ADAMTS2: variants seen among roughly 807,000 people sequenced by gnomAD.
ADAMTS2 encodes A disintegrin and metalloproteinase with thrombospondin motifs 2.
In ADAMTS2, 50 loss-of-function variants were observed where a neutral mutation model predicts 123.0. The ratio of observed to expected loss-of-function variants is 0.41; its 90% CI spans 0.32 to 0.51. The LOEUF (loss-of-function observed/expected upper bound fraction) is 0.51, where lower values mean the gene tolerates loss of function less well. ADAMTS2 is among the 20% of genes least tolerant of loss of function. The pLI is 0.35. For missense variants in ADAMTS2, 1,494 were observed against 1,705.2 expected (o/e 0.88, Z 2.18); for synonymous variants, 678 against 695.4 (o/e 0.98, Z 0.39).
chr5:179,137,851 G>T lies in ADAMTS2; in HGVS notation c.1869C>A (p.Arg623=), dbSNP rs376058580. 1.9e-5 allele frequency: 30 copies of T among 1,566,306 alleles called. No homozygotes were observed. Among genetic ancestry groups the T allele is most frequent in the African/African-American group, 1.1e-4 (8 of 73,776 alleles). ...GGTCCCACTGGCGGCACTGCTCCTC[G>T]CGGAAGTCAGCCAGGGAGTCGGGGC... ...QDCPDSLADF[R]EEQCRQWDLY... Residue 623 remains arginine, a synonymous_variant, in exon 12 of 22, where the codon CGC becomes CGA. Transcript: ENST00000251582.
chr5:179,330,596 C>T (rs1037700769), intron 2 of ADAMTS2, among the ~76,000 whole-genome samples: 1 of 152,140 alleles, frequency 6.6e-6, no homozygotes, highest in Non-Finnish European at 1.5e-5. Flanking sequence ...TTCCCCTCCC[C>T]CAGTGCCCGT....
intron 4 of ADAMTS2, among the ~76,000 whole-genome samples, chr5:179,203,777 C>T (rs959419074): frequency 6.6e-6 from 1 of 152,222 alleles, no homozygotes; most frequent in Non-Finnish European, 1.5e-5. Context: ...CAAAATGGCA[C>T]AGCCACTGTG....
Position 179,317,700 on chromosome 5 carries a change from A to T in ADAMTS2, c.534+26067T>A, listed in dbSNP as rs1358454836. On this transcript the variant is annotated intron_variant, in intron 2 of 21. Transcript: ENST00000251582. This position sits in a 1 kb window ranked among gnomAD's most constrained non-coding sequence, Gnocchi z 4.9. The stretch of plus-strand genomic sequence containing the variant: ...AAACGCCCCCACATGTGCATCGCAT[A>T]CATCACCCACACACACACGTGTACA... Among the ~76,000 whole-genome samples the T allele has an allele frequency of 6.6e-6, 1 of 152,194 alleles. No homozygotes were observed. Among genetic ancestry groups the T allele is most frequent in the East Asian group, 1.9e-4 (1 of 5,188 alleles).
chr5:179,316,981 T>A (rs1053090822), intron 2 of ADAMTS2, among the ~76,000 whole-genome samples: 1 of 151,104 alleles, frequency 6.6e-6, no homozygotes, highest in African/African-American at 2.4e-5. Context: ...GAATACACAG[T>A]GGTGAGAAAG....
At chr5:179,213,289 G>C (rs10065907) in intron 3 of ADAMTS2, among the ~76,000 whole-genome samples, 1 of 152,138 alleles carries the variant, frequency 6.6e-6, no homozygotes, top group Admixed American at 6.5e-5. Flanking sequence ...GATTTCTCCC[G>C]ACAGCACCCC....
chr5:179,129,861 C>T lies in ADAMTS2; in HGVS notation c.2457+71G>A. The T allele has an allele frequency of 6.3e-7, 1 of 1,596,198 alleles. No homozygotes were observed. The highest frequency in any genetic ancestry group is 8.5e-7 in the Non-Finnish European group (1 of 1,170,254). On this transcript the variant is annotated intron_variant, in intron 16 of 21. Coordinates refer to ENST00000251582, the MANE Select transcript of ADAMTS2 (RefSeq NM_014244.5). This position sits in a 1 kb window ranked among gnomAD's most constrained non-coding sequence, Gnocchi z 4.1. ...CCTGAAGGGTCAGGAGGCTCAGCGT[C>T]CCAGGCACCCCCATCCCTCCCCCAG...
intron 2 of ADAMTS2, among the ~76,000 whole-genome samples, chr5:179,328,024 A>G (rs561425801): frequency 6.6e-6 from 1 of 152,144 alleles, no homozygotes; most frequent in South Asian, 2.1e-4. Flanking sequence ...CGAGAGATTT[A>G]GGTTTGTTTT....
At chr5:179,282,874 G>C (rs1375494963) in intron 2 of ADAMTS2, among the ~76,000 whole-genome samples, 1 of 152,096 alleles carries the variant, frequency 6.6e-6, no homozygotes, top group Admixed American at 6.5e-5. Context: ...AGGAGATTGA[G>C]ACCATCCTGG....
chr5:179,343,084 C>T (rs924704292), intron 2 of ADAMTS2, among the ~76,000 whole-genome samples: 2 of 152,186 alleles, frequency 1.3e-5, no homozygotes, highest in Non-Finnish European at 2.9e-5. Flanking sequence ...TTCAAAGAAC[C>T]AGCTGGAGTT....
At position 179,225,929 on chromosome 5, in the gene ADAMTS2, C is replaced by T. The variant is rs1015722825; in HGVS notation, c.689-18214G>A. Among the ~76,000 whole-genome samples, 1 of 152,200 alleles carries T rather than the reference C, an allele frequency of 6.6e-6. No homozygotes were observed. The highest frequency in any genetic ancestry group is 1.9e-4 in the East Asian group (1 of 5,190). The stretch of plus-strand genomic sequence containing the variant: ...TGAGCTGGTTAACACAAGCCGCCTA[C>T]AGACAGCTAAAGTAAAAGAGCACAT... On this transcript the variant is annotated intron_variant, in intron 3 of 21. Transcript: ENST00000251582. This position sits in a 1 kb window ranked among gnomAD's most constrained non-coding sequence, Gnocchi z 4.5.
chr5:179,150,082 G>A (rs1434720086), intron 10 of ADAMTS2, among the ~76,000 whole-genome samples: 1 of 152,150 alleles, frequency 6.6e-6, no homozygotes, highest in Non-Finnish European at 1.5e-5. Flanking sequence ...ATCAGCTGGG[G>A]TGCAGGCCAG....
At chr5:179,224,121 A>T (rs17079224) in intron 3 of ADAMTS2, among the ~76,000 whole-genome samples, 28,651 of 152,134 alleles carry the variant, frequency 0.19, 2,838 homozygotes, top group Middle Eastern at 0.23. Context: ...TGGAGTCTAC[A>T]TCGGTTTCCT....
intron 10 of ADAMTS2, among the ~76,000 whole-genome samples, chr5:179,143,460 A>G (rs1763206687): frequency 6.6e-6 from 1 of 152,054 alleles, no homozygotes; most frequent in Non-Finnish European, 1.5e-5. Flanking sequence ...AGAACTAAAT[A>G]GAAATTCTGG....
Position 179,312,181 on chromosome 5 carries a change from A to C in ADAMTS2, c.534+31586T>G, listed in dbSNP as rs1387945607. Reference sequence around the variant, plus strand: ...CATAAATGTTACCTTCCATGGCAAAAAAGAACTTTGTAGATGCGGTGAGTC... The same window carrying C: ...CATAAATGTTACCTTCCATGGCAAACAAGAACTTTGTAGATGCGGTGAGTC... On this transcript the variant is annotated intron_variant, in intron 2 of 21. Coordinates refer to ENST00000251582, the MANE Select transcript of ADAMTS2 (RefSeq NM_014244.5). The surrounding 1 kb of genome is among the most constrained non-coding windows in gnomAD (Gnocchi z 4.2). Among the ~76,000 whole-genome samples the C allele has an allele frequency of 6.6e-6, 1 of 152,162 alleles. No individual in the cohort carries two copies. The highest frequency in any genetic ancestry group is 2.4e-5 in the African/African-American group (1 of 41,442).
rs1766068019 is a variant in ADAMTS2, at chr5:179,256,834, G to C, written c.688+16077C>G. On this transcript the variant is annotated intron_variant, in intron 3 of 21. Transcript: ENST00000251582. This position sits in a 1 kb window ranked among gnomAD's most constrained non-coding sequence, Gnocchi z 4.1. ...GTGTACACTCAACATTTCTGAAGCCGTTGTACGAGTCAAATAAAACATTGC... is the reference window on the plus strand; with the variant it reads ...GTGTACACTCAACATTTCTGAAGCCCTTGTACGAGTCAAATAAAACATTGC... 6.6e-6 allele frequency among the ~76,000 whole-genome samples: 1 copy of C among 152,260 alleles called. No individual in the cohort carries two copies. Among genetic ancestry groups the C allele is most frequent in the African/African-American group, 2.4e-5 (1 of 41,468 alleles).
intron 6 of ADAMTS2, among the ~76,000 whole-genome samples, chr5:179,156,593 C>G (rs376728475): frequency 6.6e-6 from 1 of 152,150 alleles, no homozygotes; most frequent in African/African-American, 2.4e-5. Context: ...CTCCTGACCT[C>G]GTGACCTGCC....
At chr5:179,230,693 G>T (rs1409619076) in intron 3 of ADAMTS2, among the ~76,000 whole-genome samples, 1 of 152,180 alleles carries the variant, frequency 6.6e-6, no homozygotes, top group Non-Finnish European at 1.5e-5. Flanking sequence ...TGTACTGTCA[G>T]GCACTCTTTC....
At chr5:179,138,734 C>T (rs946983872) in intron 11 of ADAMTS2, among the ~76,000 whole-genome samples, 2 of 152,198 alleles carry the variant, frequency 1.3e-5, no homozygotes, top group Non-Finnish European at 2.9e-5. Context: ...TTCACACGTG[C>T]TGCTGAGGGA....
At chr5:179,199,519 G>A (rs922023879) in intron 4 of ADAMTS2, among the ~76,000 whole-genome samples, 4 of 152,204 alleles carry the variant, frequency 2.6e-5, no homozygotes, top group African/African-American at 7.2e-5. Flanking sequence ...AGTAGGAAGG[G>A]GGCGTGCCTG....
Sources: allele counts gnomAD v4.1 joint callset (sites outside exome capture counted in the v4.1 genomes callset), GRCh38; gene constraint gnomAD v4.1.1; non-coding constraint Gnocchi (gnomAD v3.1); transcripts MANE v1.5; gene names NCBI Gene and HGNC (gene_info 2026-07-23, HGNC 2026-07-21).